The following LYZL4 variants were observed in gnomAD, a reference collection of about 807,000 sequenced individuals.
LYZL4 encodes the protein lysozyme-like protein 4.
LYZL4 carries 13 observed loss-of-function variants against 17.6 expected under a neutral mutation model. The ratio of observed to expected loss-of-function variants is 0.74; its 90% CI spans 0.48 to 1.18. LYZL4 has a LOEUF of 1.18. Among genes scored for constraint, LYZL4 ranks in the 50% most tolerant of loss-of-function variants. The pLI is 0.00. For synonymous variants in LYZL4, 64 were observed against 67.7 expected, an observed-to-expected ratio of 0.95 and a Z score of 0.27; for missense variants, 174 against 188.2, an observed-to-expected ratio of 0.92 and a Z score of 0.44.
At chr3:42,388,704 T>C in the LYZL4 span, among the ~76,000 whole-genome samples, 1 of 152,270 alleles carries the variant, frequency 6.6e-6, no homozygotes, top group African/African-American at 2.4e-5. Flanking sequence ...GTGAGTCTTA[T>C]TTTTAATGAG....
chr3:42,403,915 T>G (rs1328007323), intron 4 of LYZL4, 131 bp downstream of exon 4: 1 of 573,558 alleles, frequency 1.7e-6, no homozygotes, highest in Non-Finnish European at 3.1e-6. Context: ...TTTCTGCTAC[T>G]TACCTTGGTG....
chr3:42,405,332 G>C (rs1458433459), intron 3 of LYZL4, among the ~76,000 whole-genome samples: 1 of 152,226 alleles, frequency 6.6e-6, no homozygotes, highest in Non-Finnish European at 1.5e-5. Context: ...ACAGGCGTGA[G>C]CCGCCGCGCC....
the LYZL4 span, among the ~76,000 whole-genome samples, chr3:42,383,456 A>C: frequency 2.0e-5 from 3 of 151,582 alleles, no homozygotes; most frequent in African/African-American, 4.9e-5. Flanking sequence ...AAAAAAAAAA[A>C]ACCAACCTTA....
downstream of LYZL4, among the ~76,000 whole-genome samples, chr3:42,393,408 CATAAAGTCAGCA>C (rs1267476924): frequency 1.3e-5 from 2 of 152,066 alleles, no homozygotes; most frequent in Non-Finnish European, 2.9e-5. Flanking sequence ...CGTTTTTACT[CATAAAGTCAGCA>C]TGGTGCTGGG....
At chr3:42,387,349 G>A in the LYZL4 span, among the ~76,000 whole-genome samples, 23 of 152,174 alleles carry the variant, frequency 1.5e-4, no homozygotes, top group Admixed American at 3.9e-4. Flanking sequence ...ACCACCTAGC[G>A]TGGGCCTCAT....
chr3:42,364,341 C>CTTTTTTTTTTTT, the LYZL4 span, among the ~76,000 whole-genome samples: 19 of 119,840 alleles, frequency 1.6e-4, no homozygotes, highest in East Asian at 2.4e-4. Flanking sequence ...TTTTTCTTTT[C>CTTTTTTTTTTTT]TTTTTTTTTT....
At chr3:42,360,895 A>T in the LYZL4 span, among the ~76,000 whole-genome samples, 1 of 152,064 alleles carries the variant, frequency 6.6e-6, no homozygotes, top group Non-Finnish European at 1.5e-5. Flanking sequence ...TTTGGTACGC[A>T]ATTAGGTTCC....
downstream of LYZL4, among the ~76,000 whole-genome samples, chr3:42,393,594 G>A (rs1176088629): frequency 6.6e-6 from 1 of 152,168 alleles, no homozygotes; most frequent in Non-Finnish European, 1.5e-5. Flanking sequence ...GCAGAGCCAG[G>A]AACGATCCCT....
chr3:42,410,352 G>A (rs1216818176), intron 1 of LYZL4, 65 bp downstream of exon 1: 1 of 152,184 alleles, frequency 6.6e-6, no homozygotes, highest in Non-Finnish European at 1.5e-5. Context: ...ATTTGCTGAT[G>A]AGCTTCTCCT....
At chr3:42,391,877 T>TC in the LYZL4 span, among the ~76,000 whole-genome samples, 6 of 146,152 alleles carry the variant, frequency 4.1e-5, no homozygotes, top group African/African-American at 1.6e-4. Context: ...CTTCTCTCTC[T>TC]TTTTCTTTTT....
intron 4 of LYZL4, 87 bp downstream of exon 4, chr3:42,403,959 C>T (rs1207448878): frequency 1.4e-5 from 14 of 973,922 alleles, no homozygotes; most frequent in East Asian, 7.8e-5. Flanking sequence ...ACTGCACGTG[C>T]GCAACAGCCA....
the LYZL4 span, among the ~76,000 whole-genome samples, chr3:42,361,640 G>A: frequency 6.6e-6 from 1 of 152,060 alleles, no homozygotes; most frequent in Non-Finnish European, 1.5e-5. Context: ...TGAGTTGGGA[G>A]GGTGGATTGA....
At chr3:42,400,781 G>C (rs1014069117) in intron 4 of LYZL4, among the ~76,000 whole-genome samples, 1 of 152,122 alleles carries the variant, frequency 6.6e-6, no homozygotes, top group African/African-American at 2.4e-5. Flanking sequence ...ATGTGGGACG[G>C]GGGGAGAAAA....
chr3:42,366,134 T>C, the LYZL4 span, among the ~76,000 whole-genome samples: 1 of 152,120 alleles, frequency 6.6e-6, no homozygotes, highest in South Asian at 2.1e-4. Flanking sequence ...GCCATGTTTG[T>C]CCACATTGGG....
At chr3:42,405,513 C>A (rs1292392501) in intron 3 of LYZL4, among the ~76,000 whole-genome samples, 1 of 152,200 alleles carries the variant, frequency 6.6e-6, no homozygotes, top group Admixed American at 6.5e-5. Flanking sequence ...CAGACAGGTA[C>A]TCCCCAGGCC....
intron 4 of LYZL4, among the ~76,000 whole-genome samples, chr3:42,402,346 T>TA (rs1220113129): frequency 1.4e-5 from 2 of 146,076 alleles, no homozygotes; most frequent in African/African-American, 2.6e-5. Flanking sequence ...ATGTCTCTTA[T>TA]AAAAAAAAGA....
At chr3:42,399,912 A>G (rs145846171) in intron 4 of LYZL4, among the ~76,000 whole-genome samples, 1 of 152,022 alleles carries the variant, frequency 6.6e-6, no homozygotes, top group African/African-American at 2.4e-5. Flanking sequence ...TGTGAAAGTC[A>G]TCACAGTTTT....
At chr3:42,407,441 T>A (rs1225530457) in intron 1 of LYZL4, 98 bp from the exon 2 acceptor site, 1 of 693,890 alleles carries the variant, frequency 1.4e-6, no homozygotes, top group Non-Finnish European at 2.4e-6. Context: ...ATTCTCTGCT[T>A]CGTGTCACTG....
At chr3:42,368,359 G>A in the LYZL4 span, among the ~76,000 whole-genome samples, 3 of 152,140 alleles carry the variant, frequency 2.0e-5, no homozygotes, top group African/African-American at 2.4e-5. Flanking sequence ...GGGTGTCTAG[G>A]GGCTTTGTAA....
Sources: allele counts gnomAD v4.1 joint callset (sites outside exome capture counted in the v4.1 genomes callset), GRCh38; gene constraint gnomAD v4.1.1; transcripts MANE v1.5; gene names NCBI Gene and HGNC (gene_info 2026-07-23, HGNC 2026-07-21).